Variants in PDE4C observed in about 807,000 individuals in gnomAD.
The protein encoded by PDE4C is 3',5'-cyclic-AMP phosphodiesterase 4C.
In PDE4C, 50 loss-of-function variants were observed where a neutral mutation model predicts 63.9. The ratio of observed to expected loss-of-function variants is 0.78; its 90% CI spans 0.62 to 0.99. The LOEUF (loss-of-function observed/expected upper bound fraction) is 0.99. Ranked by LOEUF, PDE4C falls within the 50% of genes least tolerant of loss-of-function variation. PDE4C has a pLI of 0.00. For missense variants in PDE4C, 777 were observed against 899.1 expected (o/e 0.86, Z 1.74); for synonymous variants, 377 against 385.1 (o/e 0.98, Z 0.25).
intron 1 of PDE4C, chr19:18,248,027 C>T (rs1263959702): frequency 1.4e-5 from 5 of 363,916 alleles, no homozygotes; most frequent in Admixed American, 1.3e-4. Context: ...GTCTCCTGGC[C>T]CCAGACACAT....
chr19:18,240,577 AG>A (rs1169163265), intron 1 of PDE4C, among the ~76,000 whole-genome samples: 1 of 152,020 alleles, frequency 6.6e-6, no homozygotes, highest in African/African-American at 2.4e-5. Context: ...AATACAAAAA[AG>A]TTAGCTGTGC....
intron 1 of PDE4C, among the ~76,000 whole-genome samples, chr19:18,241,139 C>T (rs1198852014): frequency 6.6e-6 from 1 of 151,504 alleles, no homozygotes; most frequent in South Asian, 2.1e-4. Flanking sequence ...GAGGGTGTGT[C>T]GGGAATGAAG....
intron 1 of PDE4C, among the ~76,000 whole-genome samples, chr19:18,242,689 G>A (rs1347436800): frequency 3.3e-5 from 5 of 150,106 alleles, no homozygotes; most frequent in East Asian, 2.0e-4. Flanking sequence ...GGAGGCTGAC[G>A]TAAGGGAATT....
In PDE4C at chr19:18,220,181, A is replaced by C; in HGVS notation, c.706+45T>G. ...CATAGGAATCTTTCTTTTGTTTCTT[A>C]GTACTCCTAAAATGTCGTCCAGGCA... On this transcript the variant is annotated intron_variant, in intron 7 of 14. Coordinates refer to ENST00000262805, the Ensembl canonical transcript of PDE4C. The surrounding 1 kb of genome is among the most constrained non-coding windows in gnomAD (Gnocchi z 5.1). The C allele has an allele frequency of 2.1e-6, 3 of 1,435,050 alleles. No individual in the cohort carries two copies. The highest frequency in any genetic ancestry group is 2.9e-6 in the Non-Finnish European group (3 of 1,018,066). 88.9% of individuals were successfully genotyped at this position (1,435,050 alleles called of 1,614,324 possible). A position where few individuals can be genotyped will look rare whatever the true frequency, so the allele number is the denominator to read the frequency against.
chr19:18,223,963 G>A (rs1968606462), intron 1 of PDE4C, among the ~76,000 whole-genome samples: 2 of 152,290 alleles, frequency 1.3e-5, no homozygotes, highest in South Asian at 4.1e-4. Context: ...TCCGCCCCAC[G>A]GCCGCCGACC....
exon 9 of PDE4C, chr19:18,219,002 A>G: frequency 1.2e-6 from 2 of 1,613,548 alleles, no homozygotes; most frequent in East Asian, 2.2e-5. Flanking sequence ...GCCACCTTGA[A>G]CACATCAAGT....
At chr19:18,236,759 T>C (rs1422434103), upstream of PDE4C, 1 of 152,198 alleles carries the variant, frequency 6.6e-6, no homozygotes, top group Admixed American at 6.5e-5. Context: ...GGTGCTAACT[T>C]AATAAATGCT....
At chr19:18,224,137 C>T in intron 1 of PDE4C, 1 of 922,448 alleles carries the variant, frequency 1.1e-6, no homozygotes, top group Non-Finnish European at 1.3e-6. Context: ...CCCGTTCTAC[C>T]CTCAAACCCT....
chr19:18,229,172 A>G (rs1457126628), upstream of PDE4C, among the ~76,000 whole-genome samples: 1 of 140,658 alleles, frequency 7.1e-6, no homozygotes, highest in African/African-American at 2.7e-5. Flanking sequence ...CTGGTCTCGA[A>G]CTCCTGACTT....
upstream of PDE4C, among the ~76,000 whole-genome samples, chr19:18,236,486 G>T (rs1369857821): frequency 6.6e-6 from 1 of 152,196 alleles, no homozygotes; most frequent in Admixed American, 6.5e-5. Context: ...GCCTCCCAAA[G>T]TGCTGGGATT....
upstream of PDE4C, among the ~76,000 whole-genome samples, chr19:18,235,053 G>C (rs1172562754): frequency 6.6e-6 from 1 of 152,092 alleles, no homozygotes; most frequent in Non-Finnish European, 1.5e-5. Context: ...TCCAACTCTT[G>C]GCATCATTGC....
intron 12 of PDE4C, among the ~76,000 whole-genome samples, chr19:18,216,520 C>A (rs1312656048): frequency 6.6e-6 from 1 of 152,120 alleles, no homozygotes; most frequent in Non-Finnish European, 1.5e-5. Context: ...GGTGATTCGC[C>A]CGCCTCTGCT....
chr19:18,219,077 C>T (rs749844316), intron 8 of PDE4C, 39 bp from the exon 9 acceptor site: 3 of 1,588,230 alleles, frequency 1.9e-6, no homozygotes, highest in East Asian at 4.5e-5. Context: ...AACCCCAGCC[C>T]AACTTCCCCA....
chr19:18,233,466 C>A (rs906751060), exon 1 of PDE4C: 3 of 676,620 alleles, frequency 4.4e-6, no homozygotes, highest in African/African-American at 1.8e-5. Flanking sequence ...TGAAGAGACC[C>A]CCCCCCAACA....
Position 18,211,877 on chromosome 19 carries a change from C to T in PDE4C, c.1577G>A (p.Arg526His), listed in dbSNP as rs757850745. Reference sequence around the variant, plus strand: ...GGCCATGATGCGGTCCGTCCACTGGCGGTACAGGGGCAGCGGCTTGGTGGG... The same window carrying T: ...GGCCATGATGCGGTCCGTCCACTGGTGGTACAGGGGCAGCGGCTTGGTGGG... The change falls in exon 14 of 15, where the codon CGC becomes CAC. Residue 526 changes from arginine (R) to histidine (H), a missense_variant. Physicochemically the swap from Arg to His is conservative, Grantham distance 29. This residue lies in a region of PDE4C where 500 missense variants were observed against 597.8 expected (regional missense o/e 0.84). Transcript: ENST00000262805. 1.5e-5 allele frequency: 25 copies of T among 1,614,218 alleles called. No homozygotes were observed. Among genetic ancestry groups the T allele is most frequent in the South Asian group, 1.2e-4 (11 of 91,084 alleles).
At chr19:18,224,403 C>G (rs1427403658) in intron 1 of PDE4C, 1 of 985,458 alleles carries the variant, frequency 1.0e-6, no homozygotes, top group African/African-American at 1.7e-5. Context: ...GGTCGGCACC[C>G]CGCGTAGGCT....
At chr19:18,216,651 G>T in intron 12 of PDE4C, 90 bp downstream of exon 12, 1 of 1,317,606 alleles carries the variant, frequency 7.6e-7, no homozygotes, top group Non-Finnish European at 1.0e-6. Context: ...CGCCGGCCAT[G>T]CCAATATCAC....
chr19:18,250,086 C>A, upstream of PDE4C: 1 of 398,768 alleles, frequency 2.5e-6, no homozygotes, highest in Non-Finnish European at 4.4e-6. Flanking sequence ...TCCCCAGGAA[C>A]CCCAGCCCCA....
chr19:18,222,388 C>T, intron 1 of PDE4C, 65 bp from the exon 2 acceptor site: 1 of 1,478,988 alleles, frequency 6.8e-7, no homozygotes, highest in Non-Finnish European at 9.2e-7. Context: ...GTCGTGGCCA[C>T]CTTGTCTGGT....
Sources: allele counts gnomAD v4.1 joint callset (sites outside exome capture counted in the v4.1 genomes callset), GRCh38; gene constraint gnomAD v4.1.1; regional missense constraint gnomAD v4.1.1; non-coding constraint Gnocchi (gnomAD v3.1); transcripts MANE v1.5; gene names NCBI Gene and HGNC (gene_info 2026-07-23, HGNC 2026-07-21).